MAML2: variants seen among roughly 807,000 people sequenced by gnomAD.
MAML2 encodes mastermind-like protein 2.
In MAML2, 22 loss-of-function variants were observed where a neutral mutation model predicts 96.1. The ratio of observed to expected loss-of-function variants is 0.23; its 90% confidence interval spans 0.16 to 0.33. The LOEUF (loss-of-function observed/expected upper bound fraction) is 0.33. Ranked by LOEUF, MAML2 falls within the 10% of genes least tolerant of loss-of-function variation. MAML2 has a pLI of 1.00. For synonymous variants in MAML2, 561 were observed against 521.3 expected, an observed-to-expected ratio of 1.08 and a Z score of -1.04; for missense variants, 1,367 against 1,392.4, an observed-to-expected ratio of 0.98 and a Z score of 0.29.
At chr11:96,245,215 C>CTTT (rs10584752) in intron 1 of MAML2, among the ~76,000 whole-genome samples, 1 of 131,630 alleles carries the variant, frequency 7.6e-6, no homozygotes, top group African/African-American at 2.8e-5. Context: ...AGTCATCCTT[C>CTTT]TTTTTTTTTT....
At chr11:96,045,852 C>T (rs939974016) in intron 2 of MAML2, among the ~76,000 whole-genome samples, 11 of 150,168 alleles carry the variant, frequency 7.3e-5, no homozygotes, top group East Asian at 1.9e-4. Flanking sequence ...TTTTTTCCCT[C>T]GTAACCTTTT....
At chr11:96,253,490 C>T (rs1862615297) in intron 1 of MAML2, among the ~76,000 whole-genome samples, 1 of 152,178 alleles carries the variant, frequency 6.6e-6, no homozygotes, top group Admixed American at 6.5e-5. Context: ...ATCTCCCATG[C>T]CATCTTGTTT....
chr11:96,339,460 C>T (rs1863961365), intron 1 of MAML2, among the ~76,000 whole-genome samples: 1 of 152,226 alleles, frequency 6.6e-6, no homozygotes, highest in Non-Finnish European at 1.5e-5. Context: ...AAGAACAAGG[C>T]CAGAGGCAAA....
intron 1 of MAML2, among the ~76,000 whole-genome samples, chr11:96,298,252 G>T (rs1343179898): frequency 6.6e-6 from 1 of 152,164 alleles, no homozygotes. Context: ...TTCTGATTAG[G>T]TTAAAGTAAA....
At chr11:96,192,891 C>T (rs189011125) in intron 1 of MAML2, among the ~76,000 whole-genome samples, 42 of 152,298 alleles carry the variant, frequency 2.8e-4, no homozygotes, top group African/African-American at 9.6e-4. Flanking sequence ...TCTGACACTG[C>T]CTTTGTGTGC....
intron 1 of MAML2, among the ~76,000 whole-genome samples, chr11:96,275,906 C>T (rs1862982702): frequency 6.6e-6 from 1 of 152,044 alleles, no homozygotes; most frequent in African/African-American, 2.4e-5. Context: ...ATATTTTAAC[C>T]CATAGAAGGT....
chr11:96,022,550 T>C (rs575706261), intron 2 of MAML2, among the ~76,000 whole-genome samples: 1 of 152,294 alleles, frequency 6.6e-6, no homozygotes, highest in East Asian at 1.9e-4. Context: ...TGACAGTGGT[T>C]GGATTTAGTT....
chr11:96,302,522 C>G (rs1863399861), intron 1 of MAML2, among the ~76,000 whole-genome samples: 1 of 152,188 alleles, frequency 6.6e-6, no homozygotes, highest in Non-Finnish European at 1.5e-5. Flanking sequence ...TAAAGAAACT[C>G]TCACTCCTGG....
intron 2 of MAML2, among the ~76,000 whole-genome samples, chr11:96,087,204 C>A (rs1411431128): frequency 6.6e-6 from 1 of 152,004 alleles, no homozygotes; most frequent in Non-Finnish European, 1.5e-5. Flanking sequence ...AACAGAATAA[C>A]GACAGAAGAA....
intron 1 of MAML2, among the ~76,000 whole-genome samples, chr11:96,121,695 GA>G (rs895182506): frequency 1.8e-4 from 24 of 134,328 alleles, no homozygotes; most frequent in African/African-American, 4.8e-4. Flanking sequence ...GCAACATAAA[GA>G]AAAAAAAGAG....
intron 1 of MAML2, among the ~76,000 whole-genome samples, chr11:96,160,727 C>T (rs1306128610): frequency 6.6e-6 from 1 of 152,154 alleles, no homozygotes. Context: ...TGAGCCCAAC[C>T]CAGTTTTCTG....
chr11:96,333,670 A>T (rs1863881476), intron 1 of MAML2, among the ~76,000 whole-genome samples: 2 of 152,194 alleles, frequency 1.3e-5, no homozygotes, highest in East Asian at 3.9e-4. Flanking sequence ...AAAGACGGCA[A>T]ATCTGTGTTG....
At chr11:96,269,305 A>C (rs1010904920) in intron 1 of MAML2, among the ~76,000 whole-genome samples, 1 of 144,334 alleles carries the variant, frequency 6.9e-6, no homozygotes, top group Non-Finnish European at 1.5e-5. Context: ...GTAGAAAGTC[A>C]CATGAATCAT....
chr11:96,061,947 T>C (rs1285613340), intron 2 of MAML2, among the ~76,000 whole-genome samples: 1 of 152,206 alleles, frequency 6.6e-6, no homozygotes, highest in Non-Finnish European at 1.5e-5. Flanking sequence ...GACATTTCAC[T>C]GAATATAAAC....
rs148760698 is a variant in MAML2 at position 96,035,679 on chromosome 11, T to C, written c.2140-43956A>G. Among the ~76,000 whole-genome samples, 532 of 152,316 alleles carry C rather than the reference T, an allele frequency of 3.5e-3. 3 individuals carry two copies. Among genetic ancestry groups the C allele is most frequent in the African/African-American group, 0.011 (473 of 41,568 alleles). On this transcript the variant is annotated intron_variant, in intron 2 of 4. Coordinates refer to ENST00000524717, the MANE Select transcript of MAML2 (RefSeq NM_032427.4). Reference sequence around the variant, plus strand: ...GGAAGATTACTGCTGTGCTTTCCCATTTTTTGGTATTCTCCCAACATTGGG... The same window carrying C: ...GGAAGATTACTGCTGTGCTTTCCCACTTTTTGGTATTCTCCCAACATTGGG...
chr11:96,092,730 T>A lies in MAML2; in HGVS notation c.1301A>T (p.Gln434Leu). Residue 434 changes from glutamine to leucine, a missense_variant, in exon 2 of 5, where the codon CAG becomes CTG. Coordinates refer to ENST00000524717, the MANE Select transcript of MAML2 (RefSeq NM_032427.4). This position sits in a 1 kb window ranked among gnomAD's most constrained non-coding sequence, Gnocchi z 4.1. Reference protein sequence around the residue: ...LPSWQEVSHAQQLKQIAANRQ... With the variant: ...LPSWQEVSHALQLKQIAANRQ... ...ATTAGCAGCTATCTGTTTGAGCTGC[T>A]GGGCATGGGATACTTCCTGCCAGCT... is the stretch of plus-strand genomic sequence containing the variant. The A allele has an allele frequency of 6.2e-7, 1 of 1,613,990 alleles. No homozygotes were observed.
chr11:96,010,162 C>A (rs1858244928), intron 2 of MAML2, among the ~76,000 whole-genome samples: 1 of 152,152 alleles, frequency 6.6e-6, no homozygotes, highest in Non-Finnish European at 1.5e-5. Flanking sequence ...CAGATAGATA[C>A]TGTGTTCAGA....
At chr11:96,127,572 A>G (rs1860469493) in intron 1 of MAML2, among the ~76,000 whole-genome samples, 1 of 152,238 alleles carries the variant, frequency 6.6e-6, no homozygotes, top group Non-Finnish European at 1.5e-5. Context: ...TAATAGGGAT[A>G]TATTTTATAT....
At chr11:96,096,800 G>A (rs947499139) in intron 1 of MAML2, among the ~76,000 whole-genome samples, 4 of 152,208 alleles carry the variant, frequency 2.6e-5, no homozygotes, top group Non-Finnish European at 5.9e-5. Flanking sequence ...AAGGAGGGAA[G>A]TTTGTGTTCC....
Sources: allele counts gnomAD v4.1 joint callset (sites outside exome capture counted in the v4.1 genomes callset), GRCh38; gene constraint gnomAD v4.1.1; non-coding constraint Gnocchi (gnomAD v3.1); transcripts MANE v1.5; gene names NCBI Gene and HGNC (gene_info 2026-07-23, HGNC 2026-07-21).